The following WDR7 variants were observed in gnomAD, a reference collection of about 807,000 sequenced individuals.
The protein encoded by WDR7 is WD repeat domain 7.
Under a neutral mutation model 169.4 loss-of-function variants are expected in WDR7, and 46 were observed. That is an observed-to-expected ratio of 0.27 (90% confidence interval 0.21 to 0.35). WDR7 has a LOEUF of 0.35. Among genes scored for constraint, WDR7 ranks in the 10% least tolerant of loss-of-function variants. The pLI, the probability that WDR7 is intolerant of heterozygous loss-of-function variation, is 1.00. For synonymous variants in WDR7, 612 were observed against 666.8 expected (o/e 0.92, Z 1.27); for missense variants, 1,534 against 1,859.3 (o/e 0.83, Z 3.22).
intron 26 of WDR7, among the ~76,000 whole-genome samples, chr18:56,986,849 AG>A (rs1243766725): frequency 6.6e-6 from 1 of 152,192 alleles, no homozygotes; most frequent in Non-Finnish European, 1.5e-5. Flanking sequence ...ATGACATTTT[AG>A]GACACAGGAT....
At position 57,027,266 on chromosome 18, in the gene WDR7, G is replaced by T; in HGVS notation, c.*59G>T. On this transcript the variant is annotated 3_prime_UTR_variant, in exon 28 of 28. Transcript: ENST00000254442. ...TCTCTAAATTATCCAAGCCGATGTTGCTCTGTCCTTCCTCACACCAGATTG... is the reference window on the plus strand; with the variant it reads ...TCTCTAAATTATCCAAGCCGATGTTTCTCTGTCCTTCCTCACACCAGATTG... 1 of 1,537,668 alleles carries T rather than the reference G, an allele frequency of 6.5e-7. No individual in the cohort carries two copies. The highest frequency in any genetic ancestry group is 8.7e-7 in the Non-Finnish European group (1 of 1,143,268).
chr18:56,924,228 A>G (rs781652288), intron 22 of WDR7, 120 bp downstream of exon 22: 57 of 1,103,796 alleles, frequency 5.2e-5, no homozygotes, highest in Non-Finnish European at 6.6e-5. Context: ...AAATACACAA[A>G]TGTTTCAATA....
intron 26 of WDR7, among the ~76,000 whole-genome samples, chr18:57,015,436 A>G (rs2048192855): frequency 6.6e-6 from 1 of 152,184 alleles, no homozygotes; most frequent in African/African-American, 2.4e-5. Context: ...TTGGGAGAAA[A>G]GAAGGGGGAT....
At chr18:57,007,954 C>T (rs866866474) in intron 26 of WDR7, among the ~76,000 whole-genome samples, 7 of 152,284 alleles carry the variant, frequency 4.6e-5, no homozygotes, top group Middle Eastern at 3.4e-3. Flanking sequence ...CCTTCCACAT[C>T]TCTCTATGTG....
intron 12 of WDR7, chr18:56,699,981 AAAAGTCTTTCC>A (rs2025786555): frequency 1.4e-6 from 1 of 725,012 alleles, no homozygotes; most frequent in South Asian, 6.2e-5. Flanking sequence ...CTTTTTATCT[AAAAGTCTTTCC>A]AAATTCCTAC....
intron 12 of WDR7, among the ~76,000 whole-genome samples, chr18:56,698,572 C>CTCCA (rs1217061468): frequency 6.7e-6 from 1 of 149,098 alleles, no homozygotes; most frequent in Non-Finnish European, 1.5e-5. Flanking sequence ...CACCACTGCA[C>CTCCA]TCCAGCCTGG....
At chr18:56,862,654 T>C (rs1180185771) in intron 20 of WDR7, among the ~76,000 whole-genome samples, 1 of 151,882 alleles carries the variant, frequency 6.6e-6, no homozygotes, top group Admixed American at 6.6e-5. Context: ...GAAAATTTTT[T>C]AATTATGTCT....
intron 11 of WDR7, among the ~76,000 whole-genome samples, chr18:56,695,835 C>T (rs2025691086): frequency 6.6e-6 from 1 of 152,148 alleles, no homozygotes; most frequent in African/African-American, 2.4e-5. Context: ...ATATATATAA[C>T]CATACCTGTA....
chr18:56,686,612 T>A (rs555402682), intron 6 of WDR7, among the ~76,000 whole-genome samples: 7 of 152,244 alleles, frequency 4.6e-5, no homozygotes, highest in African/African-American at 1.7e-4. Flanking sequence ...ATTACCAGAG[T>A]GATGATACTC....
chr18:57,020,714 T>A, intron 26 of WDR7, 31 bp from the exon 27 acceptor site: 1 of 1,602,868 alleles, frequency 6.2e-7, no homozygotes, highest in Non-Finnish European at 8.5e-7. Context: ...GTGAAATGCT[T>A]ATCATTCATG....
chr18:56,770,202 G>C (rs1385301424), intron 16 of WDR7, among the ~76,000 whole-genome samples: 1 of 152,168 alleles, frequency 6.6e-6, no homozygotes, highest in Non-Finnish European at 1.5e-5. Context: ...AAATCCACAG[G>C]AGTGCAATTT....
intron 20 of WDR7, among the ~76,000 whole-genome samples, chr18:56,856,560 TAGAAA>T (rs2145391600): frequency 6.6e-6 from 1 of 151,802 alleles, no homozygotes; most frequent in Non-Finnish European, 1.5e-5. Flanking sequence ...TAAATAAAAA[TAGAAA>T]ACTATAATTT....
chr18:56,791,581 A>T (rs1487532191), intron 19 of WDR7, among the ~76,000 whole-genome samples: 1 of 152,180 alleles, frequency 6.6e-6, no homozygotes, highest in Non-Finnish European at 1.5e-5. Context: ...ACTAAATGAG[A>T]AATGAGTCTC....
intron 21 of WDR7, among the ~76,000 whole-genome samples, chr18:56,899,629 A>T (rs939320936): frequency 6.6e-6 from 1 of 151,998 alleles, no homozygotes; most frequent in Non-Finnish European, 1.5e-5. Context: ...TTGAGCCCAC[A>T]CTAAGGAAAG....
chr18:56,769,880 T>C (rs531246362), intron 16 of WDR7, among the ~76,000 whole-genome samples: 1 of 152,344 alleles, frequency 6.6e-6, no homozygotes, highest in East Asian at 1.9e-4. Flanking sequence ...GGAATGTATC[T>C]GAGAATCCCT....
chr18:56,741,353 T>G (rs1435774892), intron 14 of WDR7, among the ~76,000 whole-genome samples: 1 of 152,180 alleles, frequency 6.6e-6, no homozygotes, highest in African/African-American at 2.4e-5. Context: ...AATAATCTTT[T>G]GTCATTTTTA....
chr18:56,824,018 A>C (rs1426833812), intron 20 of WDR7, among the ~76,000 whole-genome samples: 2 of 152,184 alleles, frequency 1.3e-5, no homozygotes, highest in African/African-American at 4.8e-5. Context: ...TTCCCATTGA[A>C]TATAGCTCCA....
chr18:56,924,487 C>T (rs1446539034), intron 22 of WDR7, among the ~76,000 whole-genome samples: 2 of 152,082 alleles, frequency 1.3e-5, no homozygotes, highest in African/African-American at 4.8e-5. Flanking sequence ...GGGAATTGCT[C>T]CTCCACACTC....
intron 20 of WDR7, among the ~76,000 whole-genome samples, chr18:56,835,081 A>G (rs2045375423): frequency 6.6e-6 from 1 of 152,162 alleles, no homozygotes; most frequent in Non-Finnish European, 1.5e-5. Flanking sequence ...TTTCAACTCA[A>G]TATAAAGTAA....
Sources: gnomAD v4.1 joint callset for allele counts (sites outside exome capture counted in the v4.1 genomes callset) on GRCh38, gnomAD v4.1.1 for gene constraint, MANE v1.5 for transcripts, NCBI Gene and HGNC (gene_info 2026-07-23, HGNC 2026-07-21) for gene names.